TACC2: variants seen among roughly 807,000 people sequenced by gnomAD.
TACC2 encodes transforming acidic coiled-coil-containing protein 2.
In TACC2, 137 loss-of-function variants were observed where a neutral mutation model predicts 227.3. That is an observed-to-expected ratio of 0.60 (90% CI 0.52 to 0.69). The LOEUF (loss-of-function observed/expected upper bound fraction) is 0.69, where lower values mean the gene tolerates loss of function less well. Among genes scored for constraint, TACC2 ranks in the 30% least tolerant of loss-of-function variants. The pLI is 0.00. For missense variants in TACC2, 3,470 were observed against 3,694.4 expected, an observed-to-expected ratio of 0.94 and a Z score of 1.57; for synonymous variants, 1,523 against 1,487.5, an observed-to-expected ratio of 1.02 and a Z score of -0.55.
chr10:122,123,230 C>G (rs1243053279), intron 5 of TACC2, among the ~76,000 whole-genome samples: 1 of 152,118 alleles, frequency 6.6e-6, no homozygotes, highest in Non-Finnish European at 1.5e-5. Context: ...GTCTCGAACT[C>G]CTGGGCTGAA....
chr10:122,216,769 C>T lies in TACC2; in HGVS notation c.7487C>T (p.Pro2496Leu), dbSNP rs370266697. The T allele has an allele frequency of 3.6e-5, 58 of 1,614,092 alleles. No individual in the cohort carries two copies. Among genetic ancestry groups the T allele is most frequent in the South Asian group, 2.0e-4 (18 of 91,062 alleles). ...VDLEADKQDY[P>L]QPSDLSTFVN... ...CTAGAGGCTGACAAACAGGACTACC[C>T]GCAGCCCTCGGACCTGTCCACCTTT... The change falls in exon 11 of 23, where the codon CCG (proline) becomes CTG (leucine). Residue 2496 changes from proline to leucine, a missense_variant. Transcript: ENST00000369005.
intron 5 of TACC2, among the ~76,000 whole-genome samples, chr10:122,119,844 G>A (rs1268735458): frequency 1.3e-5 from 2 of 152,002 alleles, no homozygotes; most frequent in South Asian, 2.1e-4. Flanking sequence ...GCTTAAACCC[G>A]GGAGGCAGAG....
intron 3 of TACC2, chr10:122,052,604 A>T (rs2075812813): frequency 6.8e-6 from 1 of 148,084 alleles, no homozygotes; most frequent in Non-Finnish European, 1.5e-5. Context: ...AATCGCTTGA[A>T]CTCAGGAGGT....
chr10:122,014,271 A>G (rs12773711), intron 1 of TACC2, among the ~76,000 whole-genome samples: 68,024 of 150,098 alleles, frequency 0.45, 15,529 homozygotes, highest in South Asian at 0.61. Flanking sequence ...GTGCAATGGC[A>G]TGATCTTGGC....
intron 3 of TACC2, among the ~76,000 whole-genome samples, chr10:122,072,928 A>G (rs1319032724): frequency 6.6e-6 from 1 of 151,658 alleles, no homozygotes; most frequent in Non-Finnish European, 1.5e-5. Context: ...CCTAGCCAAC[A>G]TGATGAAACC....
rs916025093 is a variant in TACC2, at chr10:122,087,417, G to A, written c.4917G>A (p.Glu1639=). Residue 1639 remains glutamate, a synonymous_variant, in exon 4 of 23, where the codon GAG becomes GAA. Coordinates refer to ENST00000369005, the MANE Select transcript of TACC2 (RefSeq NM_206862.4). The part of the protein sequence containing the change: ...RSTCAPSPQR[E]VLTVPEANSE... ...CGTGTGCCCCTTCTCCTCAGAGGGA[G>A]GTTTTGACTGTGCCTGAGGCCAACA... 2 of 1,614,066 alleles carry A rather than the reference G, an allele frequency of 1.2e-6. No homozygotes were observed. Among genetic ancestry groups the A allele is most frequent in the Admixed American group, 1.7e-5 (1 of 60,028 alleles).
intron 1 of TACC2, among the ~76,000 whole-genome samples, chr10:121,999,817 A>G (rs1385508868): frequency 6.6e-6 from 1 of 152,238 alleles, no homozygotes; most frequent in East Asian, 1.9e-4. Flanking sequence ...ACAATGCCCA[A>G]GGGCAATCGG....
intron 3 of TACC2, among the ~76,000 whole-genome samples, chr10:122,081,360 C>CTA (rs1555003783): frequency 4.9e-5 from 2 of 40,988 alleles, no homozygotes; most frequent in Non-Finnish European, 1.0e-4. Flanking sequence ...TCTACTAAAA[C>CTA]TACAAAAAAA....
intron 7 of TACC2, among the ~76,000 whole-genome samples, chr10:122,153,972 C>G (rs1433113497): frequency 6.6e-6 from 1 of 152,182 alleles, no homozygotes; most frequent in Non-Finnish European, 1.5e-5. Context: ...AGATCTGCCA[C>G]TAGGGAGATT....
chr10:122,158,163 G>A (rs1257252423), intron 7 of TACC2, among the ~76,000 whole-genome samples: 2 of 152,132 alleles, frequency 1.3e-5, no homozygotes, highest in Admixed American at 6.5e-5. Context: ...CAAGGCAGGC[G>A]GATCACTTGA....
chr10:122,056,553 T>C (rs796439523), intron 3 of TACC2, among the ~76,000 whole-genome samples: 11 of 152,332 alleles, frequency 7.2e-5, no homozygotes, highest in African/African-American at 2.6e-4. Context: ...TGCTGCATTC[T>C]GCCACGCGGC....
At chr10:122,158,583 C>T (rs974377670) in intron 7 of TACC2, among the ~76,000 whole-genome samples, 1 of 152,054 alleles carries the variant, frequency 6.6e-6, no homozygotes, top group Non-Finnish European at 1.5e-5. Flanking sequence ...GTAGAGCTGT[C>T]CTTGCTTGTG....
At chr10:122,241,671 A>G (rs1589884647) in intron 18 of TACC2, 1 of 482,818 alleles carries the variant, frequency 2.1e-6, no homozygotes, top group Non-Finnish European at 3.7e-6. Context: ...TAAGTAATCC[A>G]CCAGCCTCAG....
At chr10:122,061,486 G>A (rs953420127) in intron 3 of TACC2, among the ~76,000 whole-genome samples, 3 of 152,128 alleles carry the variant, frequency 2.0e-5, no homozygotes, top group African/African-American at 7.2e-5. Flanking sequence ...TCAGGACAAA[G>A]TGCCGACTAT....
At chr10:122,012,558 C>G (rs1434015312) in intron 1 of TACC2, among the ~76,000 whole-genome samples, 1 of 151,974 alleles carries the variant, frequency 6.6e-6, no homozygotes, top group African/African-American at 2.4e-5. Flanking sequence ...CCAGCCAAAC[C>G]TCCCAGTTAT....
rs1243822780 is a variant in TACC2, at chr10:122,211,431, A to G, written c.7006A>G (p.Thr2336Ala). 4 of 1,614,018 alleles carry G rather than the reference A, an allele frequency of 2.5e-6. No individual in the cohort carries two copies. Among genetic ancestry groups the G allele is most frequent in the Non-Finnish European group, 3.4e-6 (4 of 1,180,018 alleles). Residue 2336 changes from threonine (T) to alanine (A), a missense_variant, in exon 9 of 23, where the codon ACC (threonine) becomes GCC (alanine). This residue lies in a region of TACC2 where 593 missense variants were observed against 636.6 expected (regional missense o/e 0.93). Transcript: ENST00000369005. ...CATCCCCATTGCTAAAGGTACTTAC[A>G]CCTTTGATATTGACAAGTGGGATGA... Reference protein sequence around the residue: ...NDIPIAKGTYTFDIDKWDDPN... With the variant: ...NDIPIAKGTYAFDIDKWDDPN...
chr10:122,056,238 G>T (rs886662946), intron 3 of TACC2, among the ~76,000 whole-genome samples: 5 of 152,136 alleles, frequency 3.3e-5, no homozygotes, highest in African/African-American at 1.2e-4. Context: ...GTAATGGTGC[G>T]ATCTCAGCTC....
intron 3 of TACC2, among the ~76,000 whole-genome samples, chr10:122,060,857 T>G (rs2076709978): frequency 2.6e-5 from 4 of 151,626 alleles, no homozygotes; most frequent in Middle Eastern, 3.4e-3. Flanking sequence ...ACACAGAAAT[T>G]AGCCGGGCGT....
rs141191344 is a variant in TACC2, at chr10:122,086,296, G to A, written c.3796G>A (p.Glu1266Lys). ...VSSADPRAPG[E>K]SPCPVGEPPL... ...CTCTGCAGACCCCAGAGCTCCTGGC[G>A]AAAGCCCCTGTCCTGTAGGGGAGCC... Residue 1266 changes from glutamate to lysine, a missense_variant, in exon 4 of 23, where the codon GAA (glutamate) becomes AAA (lysine). Physicochemically the swap from Glu to Lys is moderately conservative, Grantham distance 56 (BLOSUM62 1). This residue lies in a region of TACC2 where 1,924 missense variants were observed against 1,978.3 expected (regional missense o/e 0.97). Coordinates refer to ENST00000369005, the MANE Select transcript of TACC2 (RefSeq NM_206862.4). 1.4e-4 allele frequency: 232 copies of A among 1,613,942 alleles called. 1 individual carries two copies. In the African/African-American group the frequency reaches 2.3e-3, roughly 16 times the overall value.
Sources: allele counts gnomAD v4.1 joint callset (sites outside exome capture counted in the v4.1 genomes callset), GRCh38; gene constraint gnomAD v4.1.1; regional missense constraint gnomAD v4.1.1; transcripts MANE v1.5; gene names NCBI Gene and HGNC (gene_info 2026-07-23, HGNC 2026-07-21).